KIF27: variants seen among roughly 807,000 people sequenced by gnomAD.
KIF27 encodes the protein kinesin family member 27.
KIF27 carries 84 observed loss-of-function variants against 141.8 expected under a neutral mutation model. The observed-to-expected ratio is 0.59, with a 90% CI of 0.50 to 0.71. The LOEUF (loss-of-function observed/expected upper bound fraction) is 0.71. KIF27 is among the 30% of genes least tolerant of loss of function. The pLI, the probability that KIF27 is intolerant of heterozygous loss-of-function variation, is 0.00. For synonymous variants in KIF27, 471 were observed against 569.5 expected (o/e 0.83, Z 2.46); for missense variants, 1,306 against 1,628.4 (o/e 0.80, Z 3.41).
At chr9:83,872,453 T>A (rs1361500750) in intron 11 of KIF27, among the ~76,000 whole-genome samples, 4 of 152,214 alleles carry the variant, frequency 2.6e-5, no homozygotes, top group Non-Finnish European at 5.9e-5. Context: ...ATACTCTCTG[T>A]TACTGGTCTG....
At chr9:83,861,285 T>A (rs958673241) in intron 13 of KIF27, among the ~76,000 whole-genome samples, 1 of 151,980 alleles carries the variant, frequency 6.6e-6, no homozygotes, top group African/African-American at 2.4e-5. Context: ...ACCCATTAAC[T>A]CATCATTTAC....
At chr9:83,899,631 T>G in intron 5 of KIF27, 30 bp downstream of exon 5, 1 of 1,583,514 alleles carries the variant, frequency 6.3e-7, no homozygotes. Flanking sequence ...TTCAAGAAAA[T>G]CTACAGAGCT....
At chr9:83,896,728 C>T (rs1953298589) in intron 5 of KIF27, among the ~76,000 whole-genome samples, 2 of 152,154 alleles carry the variant, frequency 1.3e-5, no homozygotes, top group South Asian at 4.1e-4. Context: ...TACATCAAAA[C>T]ATTACACTGT....
chr9:83,842,458 GTT>G, intron 16 of KIF27, 57 bp from the exon 17 acceptor site: 1 of 1,454,888 alleles, frequency 6.9e-7, no homozygotes, highest in African/African-American at 1.6e-5. Context: ...GCAAAATTAT[GTT>G]TTTGTTTGTT....
rs375590529 is a variant in KIF27 at position 83,889,201 on chromosome 9, C to T, written c.1862G>A (p.Arg621Gln). The T allele has an allele frequency of 2.9e-4, 470 of 1,613,652 alleles. 6 individuals carry two copies. The South Asian group carries it at 4.8e-3, about 17-fold the overall frequency. Residue 621 changes from arginine to glutamine, a missense_variant, in exon 7 of 18, where the codon CGA becomes CAA. Physicochemically the swap from Arg to Gln is conservative, Grantham distance 43. This residue lies in a region of KIF27 where 596 missense variants were observed against 751.6 expected (regional missense o/e 0.79). Transcript: ENST00000297814. ...ACCCAACAGCATCTGACTTCGTGTT[C>T]GAAATCCAGCAAATATTCGATCCAG... ...YSLDRIFAGF[R>Q]TRSQMLLGHI...
intron 15 of KIF27, among the ~76,000 whole-genome samples, chr9:83,851,231 CTTTA>C (rs1209224924): frequency 6.6e-6 from 1 of 152,122 alleles, no homozygotes; most frequent in African/African-American, 2.4e-5. Flanking sequence ...AATTCTGTAA[CTTTA>C]TTTCTCTAGT....
At chr9:83,907,863 A>T (rs1954718237) in intron 3 of KIF27, among the ~76,000 whole-genome samples, 3 of 152,350 alleles carry the variant, frequency 2.0e-5, no homozygotes, top group South Asian at 4.1e-4. Flanking sequence ...TCTCATCTGA[A>T]GTCAGTCTAG....
rs1229629138 is a variant in KIF27 at position 83,908,452 on chromosome 9, C to T, written c.499G>A (p.Val167Met). The T allele has an allele frequency of 4.4e-6, 7 of 1,595,014 alleles. No homozygotes were observed. Among genetic ancestry groups the T allele is most frequent in the African/African-American group, 1.3e-5 (1 of 74,316 alleles). Residue 167 changes from valine (V) to methionine (M), a missense_variant and splice_region_variant, in exon 3 of 18, where the codon GTG becomes ATG. Physicochemically the swap from Val to Met is conservative, Grantham distance 21. Coordinates refer to ENST00000297814, the MANE Select transcript of KIF27 (RefSeq NM_017576.4). Reference sequence around the variant, plus strand: ...CAACTGATTAAGTGTGCTACTTTACCTGTGTTTCCTTTTTCATCTTCTCGG... The same window carrying T: ...CAACTGATTAAGTGTGCTACTTTACTTGTGTTTCCTTTTTCATCTTCTCGG... The part of the protein sequence containing the change: ...HIREDEKGNT[V>M]IVGAKECHVE...
At chr9:83,904,135 G>T in intron 3 of KIF27, 117 bp from the exon 4 acceptor site, 1 of 647,344 alleles carries the variant, frequency 1.5e-6, no homozygotes, top group Non-Finnish European at 2.6e-6. Flanking sequence ...AAAGTCAACA[G>T]CATTTCAGAT....
intron 5 of KIF27, among the ~76,000 whole-genome samples, chr9:83,896,398 C>A (rs1953259219): frequency 6.6e-6 from 1 of 152,028 alleles, no homozygotes; most frequent in South Asian, 2.1e-4. Context: ...GTATTAATAT[C>A]TAAAAATTAG....
Position 83,838,575 on chromosome 9 carries a change from T to C in KIF27, c.3722-1090A>G, listed in dbSNP as rs10217422. ...AAAGTTTTAAAACACAGGTTGCACATTGGCAGCTCTCAAGCCAAATCTGGC... is the reference window on the plus strand; with the variant it reads ...AAAGTTTTAAAACACAGGTTGCACACTGGCAGCTCTCAAGCCAAATCTGGC... On this transcript the variant is annotated intron_variant, in intron 17 of 17. Transcript: ENST00000297814. 4.6e-5 allele frequency among the ~76,000 whole-genome samples: 7 copies of C among 152,336 alleles called. 1 individual carries two copies. In the South Asian group the frequency reaches 6.2e-4, roughly 14 times the overall value.
Position 83,837,063 on chromosome 9 carries a change from T to C in KIF27, c.4144A>G (p.Ile1382Val). The change falls in exon 18 of 18, where the codon ATT (isoleucine) becomes GTT (valine). Residue 1382 changes from isoleucine to valine, a missense_variant. Transcript: ENST00000297814. ...ATGGAATCAGCAGCCATTGATCCAA[T>C]GCCAACTCCAAGACTGGAACGTCGC... ...SLRRSSLGVGIGSMAADSIEV... is the reference protein window; with the variant it reads ...SLRRSSLGVGVGSMAADSIEV... 6.2e-7 allele frequency: 1 copy of C among 1,613,994 alleles called. No homozygotes were observed. The highest frequency in any genetic ancestry group is 8.5e-7 in the Non-Finnish European group (1 of 1,179,878).
intron 17 of KIF27, among the ~76,000 whole-genome samples, chr9:83,841,531 A>C (rs1483291693): frequency 1.3e-5 from 2 of 152,204 alleles, no homozygotes; most frequent in Non-Finnish European, 2.9e-5. Flanking sequence ...ACTTTTCATA[A>C]ACCATACTTA....
rs564189535 is a variant in KIF27 at position 83,845,915 on chromosome 9, C to T, written c.3557-3514G>A. ...TGTATCCCAAGTGAGTGCTCACCAA[C>T]GGATGACCTCAGCAGAGGAGGATTT... On this transcript the variant is annotated intron_variant, in intron 16 of 17. Transcript: ENST00000297814. Among the ~76,000 whole-genome samples the T allele has an allele frequency of 1.6e-3, 243 of 152,272 alleles. 1 individual carries two copies. Among genetic ancestry groups the T allele is most frequent in the African/African-American group, 5.7e-3 (236 of 41,526 alleles).
intron 17 of KIF27, among the ~76,000 whole-genome samples, chr9:83,838,545 A>T (rs1479288604): frequency 6.6e-6 from 1 of 152,214 alleles, no homozygotes. Context: ...CAGTCCTGCC[A>T]AGACAAAGTT....
At chr9:83,881,178 C>G (rs1198332400) in intron 10 of KIF27, among the ~76,000 whole-genome samples, 1 of 151,884 alleles carries the variant, frequency 6.6e-6, no homozygotes, top group African/African-American at 2.4e-5. Context: ...TCTTAAATTC[C>G]TTCTCATCTA....
chr9:83,906,635 C>T (rs535970501), intron 3 of KIF27, among the ~76,000 whole-genome samples: 25 of 149,882 alleles, frequency 1.7e-4, no homozygotes, highest in Admixed American at 4.7e-4. Context: ...CCCAGCTACT[C>T]GGGAGGCTGA....
At chr9:83,918,281 G>A (rs1039814976) in intron 1 of KIF27, among the ~76,000 whole-genome samples, 2 of 123,648 alleles carry the variant, frequency 1.6e-5, no homozygotes, top group African/African-American at 6.4e-5. Flanking sequence ...AGCAGAGCAA[G>A]AACTTGTCTC....
At chr9:83,848,026 T>TATG (rs1947535613) in intron 16 of KIF27, 2 of 108,648 alleles carry the variant, frequency 1.8e-5, no homozygotes, top group Non-Finnish European at 4.1e-5. Flanking sequence ...ATATGCTATA[T>TATG]CTATATCTAT....
Sources: gnomAD v4.1 joint callset for allele counts (sites outside exome capture counted in the v4.1 genomes callset) on GRCh38, gnomAD v4.1.1 for gene constraint, gnomAD v4.1.1 regional missense constraint, MANE v1.5 for transcripts, NCBI Gene and HGNC (gene_info 2026-07-23, HGNC 2026-07-21) for gene names.